Variants in CACNA2D3 observed in about 807,000 individuals in gnomAD.
CACNA2D3 encodes voltage-dependent calcium channel subunit alpha-2/delta-3.
In CACNA2D3, 60 loss-of-function variants were observed where a neutral mutation model predicts 160.6. The observed-to-expected ratio is 0.37, with a 90% confidence interval of 0.30 to 0.46. CACNA2D3 has a LOEUF of 0.46. CACNA2D3 is among the 20% of genes least tolerant of loss of function. The pLI is 1.00. For missense variants in CACNA2D3, 1,205 were observed against 1,365.0 expected, an observed-to-expected ratio of 0.88 and a Z score of 1.85; for synonymous variants, 558 against 492.9, an observed-to-expected ratio of 1.13 and a Z score of -1.75.
intron 4 of CACNA2D3, among the ~76,000 whole-genome samples, chr3:54,494,159 C>A (rs1337239423): frequency 6.6e-6 from 1 of 152,200 alleles, no homozygotes; most frequent in Non-Finnish European, 1.5e-5. Flanking sequence ...ACATGGGGAA[C>A]AAGGATTCAG....
intron 18 of CACNA2D3, among the ~76,000 whole-genome samples, chr3:54,877,452 A>G (rs1330137235): frequency 6.6e-6 from 1 of 152,196 alleles, no homozygotes; most frequent in Non-Finnish European, 1.5e-5. Context: ...TTGACTCGTC[A>G]GTCTTCACTA....
intron 17 of CACNA2D3, among the ~76,000 whole-genome samples, chr3:54,868,235 T>G (rs1367029736): frequency 6.6e-6 from 1 of 152,218 alleles, no homozygotes; most frequent in Non-Finnish European, 1.5e-5. Context: ...GTTTATATTC[T>G]AAAGGAGCTT....
At chr3:54,404,046 T>C (rs1170368244) in intron 4 of CACNA2D3, among the ~76,000 whole-genome samples, 1 of 152,154 alleles carries the variant, frequency 6.6e-6, no homozygotes, top group Non-Finnish European at 1.5e-5. Context: ...TACGGCTGAA[T>C]TATACTACAT....
At chr3:54,811,465 C>CTTTTTTTTTTTTTTTT (rs71096451) in intron 13 of CACNA2D3, among the ~76,000 whole-genome samples, 5 of 111,562 alleles carry the variant, frequency 4.5e-5, no homozygotes, top group Non-Finnish European at 7.2e-5. Flanking sequence ...TCCCTCAGTT[C>CTTTTTTTTTTTTTTTT]TTTTTTTTTT....
At chr3:54,185,182 G>A (rs918198166) in intron 2 of CACNA2D3, among the ~76,000 whole-genome samples, 1 of 152,182 alleles carries the variant, frequency 6.6e-6, no homozygotes, top group African/African-American at 2.4e-5. Flanking sequence ...TCAGATTGCA[G>A]TTCTTCTAAA....
chr3:54,837,469 GA>G (rs1698718334), intron 15 of CACNA2D3, among the ~76,000 whole-genome samples: 1 of 152,096 alleles, frequency 6.6e-6, no homozygotes. Flanking sequence ...ACCAGAGGAG[GA>G]AAAGCCCCAG....
At chr3:54,400,861 C>G (rs985071412) in intron 4 of CACNA2D3, among the ~76,000 whole-genome samples, 1 of 151,934 alleles carries the variant, frequency 6.6e-6, no homozygotes, top group Non-Finnish European at 1.5e-5. Context: ...CAGGACATTG[C>G]CAAAGTAACA....
In CACNA2D3 at chr3:54,809,320, T is replaced by G. The variant is rs570135359; in HGVS notation, c.1381-7533T>G. 1.8e-5 allele frequency among the ~76,000 whole-genome samples: 2 copies of G among 109,498 alleles called. 1 individual carries two copies. Among genetic ancestry groups the G allele is most frequent in the South Asian group, 6.1e-4 (2 of 3,292 alleles). 71.8% of individuals were successfully genotyped at this position (109,498 alleles called of 152,430 possible). A position where few individuals can be genotyped will look rare whatever the true frequency, so the allele number is the denominator to read the frequency against. Reference sequence around the variant, plus strand: ...CCTTCCTTCCTTCTTTCTTTTTTTTTTTTTTTTTTGAGACGGAGTCTCGCT... The same window carrying G: ...CCTTCCTTCCTTCTTTCTTTTTTTTGTTTTTTTTTGAGACGGAGTCTCGCT... On this transcript the variant is annotated intron_variant, in intron 13 of 37. Transcript: ENST00000474759.
intron 11 of CACNA2D3, among the ~76,000 whole-genome samples, chr3:54,694,379 C>G (rs1414713575): frequency 6.6e-6 from 1 of 152,166 alleles, no homozygotes; most frequent in Non-Finnish European, 1.5e-5. Flanking sequence ...ACACAACAAC[C>G]AAATCTTGTA....
At chr3:54,917,808 A>G (rs548414294) in intron 27 of CACNA2D3, among the ~76,000 whole-genome samples, 2 of 152,058 alleles carry the variant, frequency 1.3e-5, no homozygotes, top group African/African-American at 4.8e-5. Context: ...GAGTCCTATT[A>G]TCCGGACATG....
At chr3:54,238,739 TA>T (rs1207571728) in intron 2 of CACNA2D3, among the ~76,000 whole-genome samples, 6 of 152,208 alleles carry the variant, frequency 3.9e-5, no homozygotes, top group African/African-American at 1.4e-4. Context: ...TGAAGACCCC[TA>T]AACAGAAGGC....
intron 3 of CACNA2D3, among the ~76,000 whole-genome samples, chr3:54,343,126 T>G (rs1698391618): frequency 6.6e-6 from 1 of 152,184 alleles, no homozygotes; most frequent in Non-Finnish European, 1.5e-5. Context: ...AAACTTTTTT[T>G]TCCCTCTTGG....
chr3:54,165,616 A>G (rs150532271), intron 2 of CACNA2D3, among the ~76,000 whole-genome samples: 224 of 147,124 alleles, frequency 1.5e-3, no homozygotes, highest in Middle Eastern at 3.6e-3. Flanking sequence ...AAAAAAAAAA[A>G]AAAGAAAAAT....
At chr3:54,561,383 C>T (rs574252698) in intron 5 of CACNA2D3, among the ~76,000 whole-genome samples, 1 of 152,200 alleles carries the variant, frequency 6.6e-6, no homozygotes, top group East Asian at 1.9e-4. Flanking sequence ...GCTTCACTGT[C>T]GTTAGTGTAT....
At chr3:54,961,771 C>T (rs1321660524) in intron 27 of CACNA2D3, among the ~76,000 whole-genome samples, 1 of 152,144 alleles carries the variant, frequency 6.6e-6, no homozygotes, top group Non-Finnish European at 1.5e-5. Context: ...GATCACAATT[C>T]CAGAAGGGGT....
chr3:54,837,946 A>G (rs1272021412), intron 15 of CACNA2D3, among the ~76,000 whole-genome samples: 2 of 152,180 alleles, frequency 1.3e-5, no homozygotes, highest in African/African-American at 2.4e-5. Flanking sequence ...CTGGGTGGAC[A>G]TGAACTTGGG....
At chr3:54,993,607 G>C (rs1468256933) in intron 31 of CACNA2D3, among the ~76,000 whole-genome samples, 1 of 152,130 alleles carries the variant, frequency 6.6e-6, no homozygotes, top group African/African-American at 2.4e-5. Context: ...GGATGAAAAT[G>C]TGGCTGTTAT....
At chr3:54,436,660 T>C (rs536769115) in intron 4 of CACNA2D3, among the ~76,000 whole-genome samples, 1 of 152,350 alleles carries the variant, frequency 6.6e-6, no homozygotes, top group Admixed American at 6.5e-5. Flanking sequence ...GCCATCATTC[T>C]CAGCAAACTA....
chr3:54,942,443 T>C (rs2106988482), intron 27 of CACNA2D3, among the ~76,000 whole-genome samples: 1 of 152,342 alleles, frequency 6.6e-6, no homozygotes, highest in South Asian at 2.1e-4. Flanking sequence ...GGAAATAGTT[T>C]TAGGCCTGAA....
Sources: allele counts gnomAD v4.1 joint callset (sites outside exome capture counted in the v4.1 genomes callset), GRCh38; gene constraint gnomAD v4.1.1; transcripts MANE v1.5; gene names NCBI Gene and HGNC (gene_info 2026-07-23, HGNC 2026-07-21).